The following NCOA3 variants were observed in gnomAD, a reference collection of about 807,000 sequenced individuals.
NCOA3 encodes nuclear receptor coactivator 3, also known as CBP-interacting protein.
In NCOA3, 51 loss-of-function variants were observed where a neutral mutation model predicts 158.8. The observed-to-expected ratio is 0.32, with a 90% CI of 0.26 to 0.41. The LOEUF is 0.41. Ranked by LOEUF, NCOA3 falls within the 10% of genes least tolerant of loss-of-function variation. The probability of loss-of-function intolerance (pLI) is 1.00; values close to 1 mark genes in which losing one functional copy is unlikely to be tolerated. For missense variants in NCOA3, 1,510 were observed against 1,746.6 expected (o/e 0.86, Z 2.41); for synonymous variants, 537 against 592.4 (o/e 0.91, Z 1.36).
intron 1 of NCOA3, among the ~76,000 whole-genome samples, chr20:47,538,549 CT>C (rs112676607): frequency 8.0e-4 from 118 of 146,702 alleles, no homozygotes; most frequent in Middle Eastern, 3.5e-3. Flanking sequence ...TATTACTATT[CT>C]TTTTTTTTTT....
chr20:47,600,607 C>T (rs2085845260), intron 2 of NCOA3, among the ~76,000 whole-genome samples: 1 of 149,426 alleles, frequency 6.7e-6, no homozygotes, highest in South Asian at 2.1e-4. Flanking sequence ...CAGCCTCCGC[C>T]TTCCAAGCTC....
intron 17 of NCOA3, among the ~76,000 whole-genome samples, chr20:47,644,171 G>A (rs774592445): frequency 2.7e-5 from 4 of 148,374 alleles, no homozygotes; most frequent in Non-Finnish European, 5.9e-5. Context: ...ACGGAGTCTC[G>A]CTCTGTCGCC....
At chr20:47,560,974 T>G (rs2085093354) in intron 1 of NCOA3, among the ~76,000 whole-genome samples, 1 of 146,426 alleles carries the variant, frequency 6.8e-6, no homozygotes, top group East Asian at 1.9e-4. Context: ...CATTCTTTTT[T>G]TTTTTTTTTT....
intron 2 of NCOA3, among the ~76,000 whole-genome samples, chr20:47,595,289 G>T (rs372613138): frequency 1.3e-5 from 2 of 150,608 alleles, no homozygotes; most frequent in South Asian, 4.2e-4. Flanking sequence ...GTAGAGATGG[G>T]GTTTCACCAT....
chr20:47,597,834 T>G (rs2085786818), intron 2 of NCOA3, among the ~76,000 whole-genome samples: 1 of 152,090 alleles, frequency 6.6e-6, no homozygotes, highest in Non-Finnish European at 1.5e-5. Context: ...TCTCTCTGCT[T>G]ACATTACCCA....
chr20:47,562,289 T>G (rs934892988), intron 1 of NCOA3, among the ~76,000 whole-genome samples: 2 of 152,230 alleles, frequency 1.3e-5, no homozygotes, highest in African/African-American at 2.4e-5. Context: ...GATTGCTGGT[T>G]AGAATATGTT....
At chr20:47,503,051 G>C (rs1336624716) in intron 1 of NCOA3, among the ~76,000 whole-genome samples, 1 of 152,176 alleles carries the variant, frequency 6.6e-6, no homozygotes, top group Admixed American at 6.5e-5. Context: ...TATTAAGCCT[G>C]TACGGTAAAG....
chr20:47,588,352 C>T (rs1389717159), intron 2 of NCOA3, among the ~76,000 whole-genome samples: 1 of 151,780 alleles, frequency 6.6e-6, no homozygotes, highest in Non-Finnish European at 1.5e-5. Flanking sequence ...CCAAGCTGGT[C>T]TCCAACTCCT....
intron 20 of NCOA3, among the ~76,000 whole-genome samples, chr20:47,651,605 C>G (rs2086795426): frequency 6.6e-6 from 1 of 152,064 alleles, no homozygotes; most frequent in Admixed American, 6.5e-5. Context: ...AATGCTTGGT[C>G]AAGTCAGTGA....
At chr20:47,617,703 T>A (rs1410678558) in intron 2 of NCOA3, among the ~76,000 whole-genome samples, 1 of 152,248 alleles carries the variant, frequency 6.6e-6, no homozygotes, top group African/African-American at 2.4e-5. Flanking sequence ...TCAGGAATTA[T>A]TGTATATATT....
chr20:47,633,987 C>T, intron 9 of NCOA3, 61 bp from the exon 10 acceptor site: 1 of 1,588,746 alleles, frequency 6.3e-7, no homozygotes, highest in Non-Finnish European at 8.6e-7. Flanking sequence ...TCCCTGTCCC[C>T]TCCTATATAT....
At chr20:47,564,746 C>T (rs1009407910) in intron 1 of NCOA3, among the ~76,000 whole-genome samples, 1 of 152,100 alleles carries the variant, frequency 6.6e-6, no homozygotes, top group Admixed American at 6.6e-5. Flanking sequence ...CTTTATTTTA[C>T]ATTTCCTGAA....
rs146693772 is a variant in NCOA3, at chr20:47,635,374, C to A, written c.1165C>A (p.Pro389Thr). Residue 389 changes from proline (P) to threonine (T), a missense_variant, in exon 11 of 23, where the codon CCA (proline) becomes ACA (threonine). By Grantham distance (38) the Pro-to-Thr change is conservative. This residue lies in a region of NCOA3 where 1,017 missense variants were observed against 1,098.3 expected (regional missense o/e 0.93). Coordinates refer to ENST00000371998, the MANE Select transcript of NCOA3 (RefSeq NM_181659.3). ...AAATCCTGTTGGACAAGGGATTAGACCACCTATGGCTGGATGCAACAGTTC... is the reference window on the plus strand; with the variant it reads ...AAATCCTGTTGGACAAGGGATTAGAACACCTATGGCTGGATGCAACAGTTC... ...NPNPVGQGIRPPMAGCNSSVG... is the reference protein window; with the variant it reads ...NPNPVGQGIRTPMAGCNSSVG... 4 of 1,612,806 alleles carry A rather than the reference C, an allele frequency of 2.5e-6. No homozygotes were observed. Among genetic ancestry groups the A allele is most frequent in the South Asian group, 1.1e-5 (1 of 91,052 alleles).
chr20:47,555,320 A>G (rs2084986041), intron 1 of NCOA3, among the ~76,000 whole-genome samples: 1 of 152,216 alleles, frequency 6.6e-6, no homozygotes, highest in Admixed American at 6.6e-5. Context: ...GTTAGGCAAC[A>G]TGATCTAGAA....
At chr20:47,504,454 A>G (rs535507446) in intron 1 of NCOA3, among the ~76,000 whole-genome samples, 7 of 147,850 alleles carry the variant, frequency 4.7e-5, no homozygotes, top group South Asian at 2.2e-4. Flanking sequence ...GGGACATTAC[A>G]TTAAAGATAA....
rs528036388 is a variant in NCOA3 at position 47,559,646 on chromosome 20, C to T, written c.-98-23537C>T. ...CTGTAATCCCAGCACTTTGGGAGGC[C>T]GAGGTGGGCGGATCACTTGAGGTCA... On this transcript the variant is annotated intron_variant, in intron 1 of 22. Transcript: ENST00000371998. Among the ~76,000 whole-genome samples the T allele has an allele frequency of 1.1e-3, 173 of 152,048 alleles. 1 individual carries two copies. Among genetic ancestry groups the T allele is most frequent in the Middle Eastern group, 3.4e-3 (1 of 292 alleles).
intron 1 of NCOA3, among the ~76,000 whole-genome samples, chr20:47,564,619 T>G (rs1199434078): frequency 4.6e-5 from 7 of 152,142 alleles, no homozygotes. Flanking sequence ...AAAACCCCAA[T>G]TGGTATCTAC....
intron 1 of NCOA3, among the ~76,000 whole-genome samples, chr20:47,510,910 A>G (rs902936556): frequency 6.6e-6 from 1 of 152,090 alleles, no homozygotes; most frequent in Non-Finnish European, 1.5e-5. Flanking sequence ...CTTAGTTTTC[A>G]TACCACTCTT....
chr20:47,608,471 G>A (rs542598994), intron 2 of NCOA3, among the ~76,000 whole-genome samples: 1 of 151,622 alleles, frequency 6.6e-6, no homozygotes, highest in South Asian at 2.1e-4. Flanking sequence ...GACCTGGTCT[G>A]TACTAAAAAT....
Sources: allele counts gnomAD v4.1 joint callset (sites outside exome capture counted in the v4.1 genomes callset), GRCh38; gene constraint gnomAD v4.1.1; regional missense constraint gnomAD v4.1.1; transcripts MANE v1.5; gene names NCBI Gene and HGNC (gene_info 2026-07-23, HGNC 2026-07-21).